Variants in RHBDF2 observed in about 807,000 individuals in gnomAD.
The protein encoded by RHBDF2 is rhomboid 5 homolog 2, also known as inactive rhomboid protein 2.
RHBDF2 carries 38 observed loss-of-function variants against 95.2 expected under a neutral mutation model. The observed-to-expected ratio is 0.40, with a 90% CI of 0.31 to 0.52. RHBDF2 has a LOEUF of 0.52. Ranked by LOEUF, RHBDF2 falls within the 20% of genes least tolerant of loss-of-function variation. RHBDF2 has a pLI of 0.56. For synonymous variants in RHBDF2, 442 were observed against 462.0 expected (o/e 0.96, Z 0.55); for missense variants, 863 against 1,137.7 (o/e 0.76, Z 3.47).
At chr17:76,498,789 A>AGAGTGTGTGTGTGTGT (rs1206209503) in intron 1 of RHBDF2, among the ~76,000 whole-genome samples, 4 of 143,662 alleles carry the variant, frequency 2.8e-5, no homozygotes, top group Non-Finnish European at 4.6e-5. Context: ...AGAGAAAGAG[A>AGAGTGTGTGTGTGTGT]GTGTGTGTGT....
chr17:76,480,609 C>T (rs58268336), intron 3 of RHBDF2, among the ~76,000 whole-genome samples: 1,705 of 152,034 alleles, frequency 0.011, 33 homozygotes, highest in African/African-American at 0.038. Flanking sequence ...TGGTCTCGAA[C>T]TCCTGGGCTC....
intron 1 of RHBDF2, among the ~76,000 whole-genome samples, chr17:76,494,022 C>T (rs1052184066): frequency 6.6e-6 from 1 of 152,196 alleles, no homozygotes; most frequent in African/African-American, 2.4e-5. Context: ...GTTAGAGTGG[C>T]TGGGGCGTCA....
In RHBDF2 at chr17:76,477,191, C is replaced by T. The variant is rs1280968494; in HGVS notation, c.909G>A (p.Val303=). 8 of 1,611,758 alleles carry T rather than the reference C, an allele frequency of 5.0e-6. No individual in the cohort carries two copies. The highest frequency in any genetic ancestry group is 3.4e-5 in the Admixed American group (2 of 59,450). Residue 303 remains valine (V), a synonymous_variant, in exon 8 of 19, where the codon GTG becomes GTA. Coordinates refer to ENST00000675367, the MANE Select transcript of RHBDF2 (RefSeq NM_001005498.4). Reference sequence around the variant, plus strand: ...GCCCCAGCACTCACAGAGGGATTTGCACCCCATCGGGGGAGACAGGGGAGG... The same window carrying T: ...GCCCCAGCACTCACAGAGGGATTTGTACCCCATCGGGGGAGACAGGGGAGG... ...HSASPVSPDG[V]QIPLKEYGRA...
intron 10 of RHBDF2, 51 bp from the exon 11 acceptor site, chr17:76,474,855 G>A: frequency 1.3e-6 from 2 of 1,591,342 alleles, no homozygotes; most frequent in Non-Finnish European, 1.7e-6. Context: ...TGGGCCCTGG[G>A]CATGGGGAGC....
At chr17:76,473,162 G>A (rs1016591915) in intron 16 of RHBDF2, 57 bp from the exon 17 acceptor site, 50 of 1,586,458 alleles carry the variant, frequency 3.2e-5, no homozygotes, top group Non-Finnish European at 3.6e-5. Flanking sequence ...CTGAGGCTCC[G>A]ACATGGGAGG....
rs199578666 is a variant in RHBDF2 at position 76,472,059 on chromosome 17, C to A, written c.2065-7G>T. On this transcript the variant is annotated splice_polypyrimidine_tract_variant and splice_region_variant and intron_variant, in intron 18 of 18. Transcript: ENST00000675367. Reference sequence around the variant, plus strand: ...GTGAGCCGGCCGGGCCCACCTGGGGCGGGGCAGGGGAGACGTGGCTTCAGG... The same window carrying A: ...GTGAGCCGGCCGGGCCCACCTGGGGAGGGGCAGGGGAGACGTGGCTTCAGG... 6.4e-7 allele frequency: 1 copy of A among 1,551,228 alleles called. No homozygotes were observed. The highest frequency in any genetic ancestry group is 1.9e-5 in the Admixed American group (1 of 51,606).
chr17:76,481,577 C>T (rs767081359), intron 2 of RHBDF2, 32 bp from the exon 3 acceptor site: 292 of 1,574,908 alleles, frequency 1.9e-4, no homozygotes, highest in Non-Finnish European at 2.4e-4. Context: ...CAGCGGTGGG[C>T]GGTGCGGGGT....
At position 76,498,679 on chromosome 17, in the gene RHBDF2, AC is replaced by A. The variant is rs200562905; in HGVS notation, c.-220+2673del. Among the ~76,000 whole-genome samples the A allele has an allele frequency of 3.7e-3, 557 of 152,224 alleles. 4 individuals carry two copies. The highest frequency in any genetic ancestry group is 0.012 in the African/African-American group (519 of 41,532). On this transcript the variant is annotated intron_variant, in intron 1 of 18. Coordinates refer to ENST00000675367, the MANE Select transcript of RHBDF2 (RefSeq NM_001005498.4). ...GGCCACAGGAAAAACAGCACCACTGACCCCAGAGCAGGACTCGGGCCCCAAG... is the reference window on the plus strand; with the variant it reads ...GGCCACAGGAAAAACAGCACCACTGACCCAGAGCAGGACTCGGGCCCCAAG...
intron 1 of RHBDF2, among the ~76,000 whole-genome samples, chr17:76,494,340 G>A (rs1370987295): frequency 1.3e-5 from 2 of 152,196 alleles, no homozygotes; most frequent in Non-Finnish European, 2.9e-5. Flanking sequence ...AGCAGCTGCT[G>A]GCAAGACACA....
intron 1 of RHBDF2, among the ~76,000 whole-genome samples, chr17:76,489,965 CAG>C (rs1259081229): frequency 6.6e-6 from 1 of 152,204 alleles, no homozygotes; most frequent in African/African-American, 2.4e-5. Context: ...GACCCCCTCT[CAG>C]GGAGCCAGAG....
rs143614105 is a variant in RHBDF2 at position 76,501,225 on chromosome 17, G to C, written c.-220+128C>G. The C allele has an allele frequency of 7.5e-3, 1,141 of 152,212 alleles. 7 individuals carry two copies. The highest frequency in any genetic ancestry group is 0.014 in the Middle Eastern group (4 of 292). The allele number at this position is 152,212 out of a possible 1,614,324, so 9.4% of individuals were successfully genotyped here. ...CCAGGCGCTCCGCAGGGCGGGCACC[G>C]GGCACTGGGCACCCTTCCTGGCCGC... On this transcript the variant is annotated intron_variant, in intron 1 of 18. Coordinates refer to ENST00000675367, the MANE Select transcript of RHBDF2 (RefSeq NM_001005498.4).
chr17:76,492,350 C>T (rs772175630), intron 1 of RHBDF2, among the ~76,000 whole-genome samples: 6 of 152,188 alleles, frequency 3.9e-5, no homozygotes, highest in Non-Finnish European at 7.4e-5. Flanking sequence ...CTGGCAGCAG[C>T]GGACCTCAGA....
chr17:76,487,569 T>C, intron 2 of RHBDF2, 143 bp downstream of exon 2: 1 of 152,438 alleles, frequency 6.6e-6, no homozygotes, highest in Non-Finnish European at 1.5e-5. Context: ...CCCTTATTCC[T>C]CCCTCTCGCT....
intron 1 of RHBDF2, among the ~76,000 whole-genome samples, chr17:76,497,395 A>T (rs1598176038): frequency 6.6e-6 from 1 of 152,040 alleles, no homozygotes; most frequent in African/African-American, 2.4e-5. Flanking sequence ...ATGGAAACCC[A>T]CCCTCACTTC....
At chr17:76,500,364 CT>C (rs1290844661) in intron 1 of RHBDF2, among the ~76,000 whole-genome samples, 3 of 152,218 alleles carry the variant, frequency 2.0e-5, no homozygotes, top group African/African-American at 7.2e-5. Context: ...AAAGTCGCCC[CT>C]GGTTGAGAAC....
intron 1 of RHBDF2, among the ~76,000 whole-genome samples, chr17:76,490,887 C>T (rs76359623): frequency 0.011 from 1,750 of 152,294 alleles, 24 homozygotes; most frequent in African/African-American, 0.039. Context: ...CTGCTCTCTC[C>T]AGCATCTCGC....
chr17:76,501,031 G>T (rs542908535), intron 1 of RHBDF2: 1 of 152,380 alleles, frequency 6.6e-6, no homozygotes, highest in East Asian at 1.9e-4. Flanking sequence ...TTCCTCCGGA[G>T]GTTTAAATCT....
At chr17:76,472,289 G>A (rs976708229) in intron 18 of RHBDF2, 14 of 599,246 alleles carry the variant, frequency 2.3e-5, no homozygotes, top group African/African-American at 1.7e-4. Flanking sequence ...GTAGCAATAA[G>A]CAAGACAGAC....
chr17:76,484,297 C>G (rs903060825), intron 2 of RHBDF2, among the ~76,000 whole-genome samples: 1 of 152,074 alleles, frequency 6.6e-6, no homozygotes, highest in African/African-American at 2.4e-5. Flanking sequence ...TAAACCCCCC[C>G]AGCTGTTTCC....
Sources: allele counts gnomAD v4.1 joint callset (sites outside exome capture counted in the v4.1 genomes callset), GRCh38; gene constraint gnomAD v4.1.1; transcripts MANE v1.5; gene names NCBI Gene and HGNC (gene_info 2026-07-23, HGNC 2026-07-21).